Variants in MAP2 observed in about 807,000 individuals in gnomAD.
MAP2 encodes microtubule-associated protein 2.
In MAP2, 14 loss-of-function variants were observed where a neutral mutation model predicts 137.6. The observed-to-expected ratio is 0.10, with a 90% CI of 0.07 to 0.16. The LOEUF (loss-of-function observed/expected upper bound fraction) is 0.16. Among genes scored for constraint, MAP2 ranks in the 10% least tolerant of loss-of-function variants. The probability of loss-of-function intolerance (pLI) is 1.00; values close to 1 mark genes in which losing one functional copy is unlikely to be tolerated. For synonymous variants in MAP2, 786 were observed against 782.3 expected, an observed-to-expected ratio of 1.00 and a Z score of -0.08; for missense variants, 2,088 against 2,191.5, an observed-to-expected ratio of 0.95 and a Z score of 0.94.
intron 2 of MAP2, among the ~76,000 whole-genome samples, chr2:209,517,809 A>T (rs1039461316): frequency 1.3e-5 from 2 of 152,030 alleles, no homozygotes; most frequent in Admixed American, 1.3e-4. Context: ...CTCAAAAAAT[A>T]GAAAAGTATA....
intron 13 of MAP2, among the ~76,000 whole-genome samples, chr2:209,720,561 C>T (rs1339004327): frequency 6.7e-6 from 1 of 148,842 alleles, no homozygotes; most frequent in Non-Finnish European, 1.5e-5. Context: ...ATGGCGTGAA[C>T]CCGGGAGGCG....
intron 2 of MAP2, among the ~76,000 whole-genome samples, chr2:209,556,660 A>AT (rs2070740749): frequency 8.1e-6 from 1 of 122,722 alleles, no homozygotes; most frequent in Non-Finnish European, 1.5e-5. Flanking sequence ...AATCTGGCCT[A>AT]TTAAAAAAAA....
chr2:209,723,622 T>A, intron 13 of MAP2: 1 of 1,613,784 alleles, frequency 6.2e-7, no homozygotes, highest in East Asian at 2.2e-5. Context: ...GAAGATCGAT[T>A]TTAGCAAAGT....
chr2:209,434,519 A>G (rs1476428985), intron 1 of MAP2, among the ~76,000 whole-genome samples: 1 of 151,724 alleles, frequency 6.6e-6, no homozygotes, highest in Non-Finnish European at 1.5e-5. Flanking sequence ...TGATATAAGG[A>G]TCTTCCAGAC....
intron 3 of MAP2, among the ~76,000 whole-genome samples, chr2:209,622,686 C>T (rs2091487572): frequency 7.0e-6 from 1 of 143,156 alleles, no homozygotes; most frequent in Non-Finnish European, 1.5e-5. Flanking sequence ...TATATGGGTA[C>T]AAAGGATCAC....
At chr2:209,613,733 C>T (rs923011104) in intron 3 of MAP2, among the ~76,000 whole-genome samples, 1 of 152,186 alleles carries the variant, frequency 6.6e-6, no homozygotes, top group African/African-American at 2.4e-5. Flanking sequence ...GTCAACTATT[C>T]ATTGGCTTAA....
chr2:209,619,179 G>A (rs2090416703), intron 3 of MAP2, among the ~76,000 whole-genome samples: 1 of 152,166 alleles, frequency 6.6e-6, no homozygotes, highest in African/African-American at 2.4e-5. Flanking sequence ...TTTCTGTTTG[G>A]TAGGGGAAGT....
chr2:209,635,743 A>G (rs2093498625), intron 4 of MAP2, among the ~76,000 whole-genome samples: 1 of 152,134 alleles, frequency 6.6e-6, no homozygotes, highest in Non-Finnish European at 1.5e-5. Flanking sequence ...TGTTTGCAAA[A>G]ATACTGCATT....
At position 209,705,647 on chromosome 2, in the gene MAP2, G is replaced by C. The variant is rs775158582; in HGVS notation, c.4652G>C (p.Arg1551Pro). 2 of 1,613,090 alleles carry C rather than the reference G, an allele frequency of 1.2e-6. No individual in the cohort carries two copies. Among genetic ancestry groups the C allele is most frequent in the South Asian group, 1.1e-5 (1 of 91,038 alleles). The change falls in exon 12 of 16, where the codon CGG becomes CCG. Residue 1551 changes from arginine (R) to proline (P), a missense_variant. Physicochemically the swap from Arg to Pro is moderately radical, Grantham distance 103. Transcript: ENST00000682079. ...LPRPSSILPP[R>P]RGVSGDRDEN... is the part of the protein sequence containing the mutation. ...AGACCTTCCTCCATTCTCCCTCCTC[G>C]GCGAGGTGTGTCAGGAGACAGAGAT... is the stretch of plus-strand genomic sequence containing the variant.
intron 14 of MAP2, 95 bp from the exon 15 acceptor site, chr2:209,729,755 G>A: frequency 2.8e-6 from 2 of 710,934 alleles, no homozygotes; most frequent in East Asian, 2.6e-5. Flanking sequence ...TAATAAATTT[G>A]TGGTTTGCCG....
intron 2 of MAP2, among the ~76,000 whole-genome samples, chr2:209,573,186 T>C (rs892923637): frequency 6.6e-6 from 1 of 152,214 alleles, no homozygotes; most frequent in African/African-American, 2.4e-5. Flanking sequence ...TATAAACTTG[T>C]CATATTTTAA....
At chr2:209,662,950 T>TGA (rs2044371979) in intron 5 of MAP2, among the ~76,000 whole-genome samples, 2 of 141,428 alleles carry the variant, frequency 1.4e-5, no homozygotes, top group South Asian at 2.2e-4. Context: ...TTTTTAAGTG[T>TGA]GAGATATATA....
chr2:209,592,924 T>C, intron 3 of MAP2, among the ~76,000 whole-genome samples: 1 of 152,176 alleles, frequency 6.6e-6, no homozygotes, highest in East Asian at 1.9e-4. Context: ...TAATGTCTCC[T>C]TTTTCAAATA....
chr2:209,575,408 C>T (rs1338079062), intron 2 of MAP2, among the ~76,000 whole-genome samples: 1 of 149,052 alleles, frequency 6.7e-6, no homozygotes, highest in Admixed American at 6.8e-5. Flanking sequence ...GTAGTCCCAG[C>T]TACTCGGGAG....
chr2:209,564,556 TA>T (rs757367849), intron 2 of MAP2, among the ~76,000 whole-genome samples: 12,139 of 55,980 alleles, frequency 0.22, 753 homozygotes, highest in African/African-American at 0.33. Context: ...CTCTGTGGAG[TA>T]AAAAAAAAAA....
chr2:209,482,682 G>GA (rs1184997440), intron 1 of MAP2, among the ~76,000 whole-genome samples: 1 of 152,120 alleles, frequency 6.6e-6, no homozygotes, highest in Non-Finnish European at 1.5e-5. Flanking sequence ...TTCTAATGAT[G>GA]AAAAAACTGA....
At chr2:209,468,424 A>G (rs1704746394) in intron 1 of MAP2, among the ~76,000 whole-genome samples, 1 of 138,536 alleles carries the variant, frequency 7.2e-6, no homozygotes, top group East Asian at 2.2e-4. Context: ...GGTTCATGCC[A>G]TTTTCCTGCC....
intron 1 of MAP2, among the ~76,000 whole-genome samples, chr2:209,488,833 C>T (rs1463207037): frequency 6.6e-6 from 1 of 152,180 alleles, no homozygotes; most frequent in Admixed American, 6.5e-5. Context: ...AACGGAGCAC[C>T]TGGGGAAAGG....
intron 1 of MAP2, among the ~76,000 whole-genome samples, chr2:209,496,399 A>G (rs1260323062): frequency 6.6e-6 from 1 of 152,204 alleles, no homozygotes; most frequent in Non-Finnish European, 1.5e-5. Context: ...ATACAATAAT[A>G]TGAGCTGTCT....
Sources: allele counts gnomAD v4.1 joint callset (sites outside exome capture counted in the v4.1 genomes callset), GRCh38; gene constraint gnomAD v4.1.1; transcripts MANE v1.5; gene names NCBI Gene and HGNC (gene_info 2026-07-23, HGNC 2026-07-21).